RBM6: variants seen among roughly 807,000 people sequenced by gnomAD.
The protein encoded by RBM6 is RNA binding motif protein 6.
RBM6 carries 23 observed loss-of-function variants against 140.4 expected under a neutral mutation model. The ratio of observed to expected loss-of-function variants is 0.16; its 90% CI spans 0.12 to 0.23. The LOEUF is 0.23. RBM6 is among the 10% of genes least tolerant of loss of function. The pLI, the probability that RBM6 is intolerant of heterozygous loss-of-function variation, is 1.00. For synonymous variants in RBM6, 439 were observed against 475.6 expected (o/e 0.92, Z 1.00); for missense variants, 1,139 against 1,386.7 (o/e 0.82, Z 2.84).
chr3:50,036,581 C>G (rs1292739986), intron 6 of RBM6, among the ~76,000 whole-genome samples: 1 of 152,062 alleles, frequency 6.6e-6, no homozygotes, highest in Non-Finnish European at 1.5e-5. Context: ...GATATTATAG[C>G]TCAGTAAATG....
At chr3:49,970,488 G>A (rs192007344) in intron 3 of RBM6, among the ~76,000 whole-genome samples, 16 of 152,206 alleles carry the variant, frequency 1.1e-4, no homozygotes, top group African/African-American at 3.6e-4. Flanking sequence ...TGCAACTCTC[G>A]CTTAGTTAGA....
intron 6 of RBM6, among the ~76,000 whole-genome samples, chr3:50,043,071 T>C (rs2089017700): frequency 6.6e-6 from 1 of 152,222 alleles, no homozygotes; most frequent in Admixed American, 6.5e-5. Flanking sequence ...TATCCATGTG[T>C]GACTTTGCCA....
At chr3:50,004,071 G>A (rs537403538) in intron 6 of RBM6, among the ~76,000 whole-genome samples, 1 of 152,118 alleles carries the variant, frequency 6.6e-6, no homozygotes, top group Admixed American at 6.5e-5. Flanking sequence ...TTGCCCAGTT[G>A]TGAGTACTAG....
chr3:50,051,324 G>C (rs995242491), intron 7 of RBM6, among the ~76,000 whole-genome samples: 6 of 152,124 alleles, frequency 3.9e-5, no homozygotes, highest in African/African-American at 9.7e-5. Flanking sequence ...CTCCATCCTG[G>C]GTGACAGAGC....
At chr3:50,027,773 T>C (rs1341178588) in intron 6 of RBM6, among the ~76,000 whole-genome samples, 3 of 152,264 alleles carry the variant, frequency 2.0e-5, no homozygotes, top group Admixed American at 2.0e-4. Flanking sequence ...TCCACTTTTG[T>C]TTATTATGAA....
rs370590749 is a variant in RBM6, at chr3:49,978,416, C to G, written c.1483+3024C>G. On this transcript the variant is annotated intron_variant, in intron 5 of 20. Transcript: ENST00000266022. ...TAAGAGGGGAATTGTGGAGTACAGTCTGTCCTGTTAGTTGATGTAATGGAG... is the reference window on the plus strand; with the variant it reads ...TAAGAGGGGAATTGTGGAGTACAGTGTGTCCTGTTAGTTGATGTAATGGAG... 1.8e-3 allele frequency among the ~76,000 whole-genome samples: 276 copies of G among 152,274 alleles called. 10 individuals are homozygous for G. In the South Asian group the frequency reaches 0.054, roughly 30 times the overall value.
chr3:49,948,592 G>A (rs2108576660), intron 1 of RBM6, among the ~76,000 whole-genome samples: 1 of 151,392 alleles, frequency 6.6e-6, no homozygotes, highest in South Asian at 2.1e-4. Flanking sequence ...CGCGCACCTA[G>A]TCCCAGCTAC....
chr3:49,952,726 G>A (rs944172559), intron 1 of RBM6, among the ~76,000 whole-genome samples: 7 of 151,432 alleles, frequency 4.6e-5, no homozygotes, highest in African/African-American at 1.5e-4. Context: ...TCAAACTCCC[G>A]ACCTCAGGTG....
chr3:50,045,053 G>A (rs751475104), intron 6 of RBM6, among the ~76,000 whole-genome samples: 2 of 152,188 alleles, frequency 1.3e-5, no homozygotes, highest in Non-Finnish European at 2.9e-5. Context: ...GATTCTGTGA[G>A]AATAAGAAAT....
At chr3:50,006,731 GA>G (rs1398509324) in intron 6 of RBM6, among the ~76,000 whole-genome samples, 1 of 151,878 alleles carries the variant, frequency 6.6e-6, no homozygotes, top group Non-Finnish European at 1.5e-5. Flanking sequence ...AGGAGATGGA[GA>G]CCATCCTGGC....
intron 20 of RBM6, among the ~76,000 whole-genome samples, chr3:50,076,167 C>T (rs1465040396): frequency 6.6e-6 from 1 of 151,788 alleles, no homozygotes; most frequent in East Asian, 2.0e-4. Flanking sequence ...CAGAGTTTTG[C>T]CATGTTGGCC....
intron 4 of RBM6, among the ~76,000 whole-genome samples, chr3:49,972,732 A>C (rs1198418735): frequency 6.6e-6 from 1 of 152,204 alleles, no homozygotes; most frequent in Admixed American, 6.5e-5. Flanking sequence ...TTATCAAGTC[A>C]CTGCCTCCAT....
At chr3:49,989,993 C>T (rs1350045557) in intron 5 of RBM6, among the ~76,000 whole-genome samples, 2 of 152,100 alleles carry the variant, frequency 1.3e-5, no homozygotes, top group African/African-American at 4.8e-5. Context: ...GTGATCTGCC[C>T]GCCTTGGCTT....
chr3:50,033,657 C>A (rs1426328629), intron 6 of RBM6, among the ~76,000 whole-genome samples: 1 of 151,002 alleles, frequency 6.6e-6, no homozygotes, highest in African/African-American at 2.4e-5. Context: ...TCTTTTTTTT[C>A]TTTTTTTGAG....
chr3:50,061,345 G>T lies in RBM6; in HGVS notation c.2354-117G>T, dbSNP rs534181696. 9 of 1,584,264 alleles carry T rather than the reference G, an allele frequency of 5.7e-6. No homozygotes were observed. In the African/African-American group the frequency reaches 6.8e-5, roughly 12 times the overall value. ...ACTGAGGGTGCTCATCCAGAGAGAG[G>T]CATCTGTAGATGCACCTATTTGTGT... On this transcript the variant is annotated intron_variant, in intron 13 of 20. Transcript: ENST00000266022.
chr3:49,943,312 T>A (rs1011380181), intron 1 of RBM6, among the ~76,000 whole-genome samples: 11 of 141,670 alleles, frequency 7.8e-5, no homozygotes, highest in Non-Finnish European at 1.6e-4. Context: ...ATTTTATTTA[T>A]TTTTTTTTGA....
At chr3:50,006,793 C>T (rs547255448) in intron 6 of RBM6, among the ~76,000 whole-genome samples, 138 of 151,846 alleles carry the variant, frequency 9.1e-4, no homozygotes, top group Non-Finnish European at 1.4e-3. Context: ...ATTAGCTGGG[C>T]GTGGTGGCGG....
chr3:50,024,326 A>G (rs2087676739), intron 6 of RBM6, among the ~76,000 whole-genome samples: 1 of 152,198 alleles, frequency 6.6e-6, no homozygotes, highest in African/African-American at 2.4e-5. Flanking sequence ...TGCTTAGTGA[A>G]TTACTCCAAA....
At chr3:50,043,946 T>C (rs2089077177) in intron 6 of RBM6, among the ~76,000 whole-genome samples, 1 of 148,806 alleles carries the variant, frequency 6.7e-6, no homozygotes, top group Non-Finnish European at 1.5e-5. Context: ...TGCAGTGGCG[T>C]GATCTTGGCT....
Sources: allele counts gnomAD v4.1 joint callset (sites outside exome capture counted in the v4.1 genomes callset), GRCh38; gene constraint gnomAD v4.1.1; transcripts MANE v1.5; gene names NCBI Gene and HGNC (gene_info 2026-07-23, HGNC 2026-07-21).